LRRC4C: variants seen among roughly 807,000 people sequenced by gnomAD.
LRRC4C encodes the protein leucine-rich repeat-containing protein 4C.
In LRRC4C, 5 loss-of-function variants were observed where a neutral mutation model predicts 33.6. That is an observed-to-expected ratio of 0.15 (90% CI 0.08 to 0.31). LRRC4C has a LOEUF of 0.31. Among genes scored for constraint, LRRC4C ranks in the 10% least tolerant of loss-of-function variants. LRRC4C has a pLI of 1.00. For missense variants in LRRC4C, 560 were observed against 796.7 expected, an observed-to-expected ratio of 0.70 and a Z score of 3.58; for synonymous variants, 329 against 302.0, an observed-to-expected ratio of 1.09 and a Z score of -0.93.
At chr11:40,966,604 C>T (rs951963388) in intron 1 of LRRC4C, among the ~76,000 whole-genome samples, 6 of 151,982 alleles carry the variant, frequency 3.9e-5, no homozygotes, top group Non-Finnish European at 7.4e-5. Context: ...ATGTACACCA[C>T]CTTCATCTGT....
At chr11:40,596,793 A>T (rs137867664) in intron 3 of LRRC4C, among the ~76,000 whole-genome samples, 38 of 152,294 alleles carry the variant, frequency 2.5e-4, no homozygotes, top group Admixed American at 7.2e-4. Context: ...ACAAGATTTC[A>T]TTTTATATAT....
At chr11:40,650,293 A>G (rs1344913133) in intron 2 of LRRC4C, among the ~76,000 whole-genome samples, 1 of 152,204 alleles carries the variant, frequency 6.6e-6, no homozygotes, top group Non-Finnish European at 1.5e-5. Flanking sequence ...TACTTTAAAA[A>G]ACAGGAAAAT....
chr11:40,618,056 G>A (rs1962042023), intron 3 of LRRC4C, among the ~76,000 whole-genome samples: 1 of 151,630 alleles, frequency 6.6e-6, no homozygotes, highest in Non-Finnish European at 1.5e-5. Context: ...GCACCATCAG[G>A]AAGTTTGAAC....
intron 1 of LRRC4C, among the ~76,000 whole-genome samples, chr11:40,965,015 C>T (rs2136919668): frequency 6.6e-6 from 1 of 152,244 alleles, no homozygotes; most frequent in Admixed American, 6.5e-5. Flanking sequence ...TATTTCTCCA[C>T]ACCCTCTCCA....
intron 1 of LRRC4C, among the ~76,000 whole-genome samples, chr11:41,297,584 A>C (rs1222830571): frequency 1.3e-5 from 2 of 152,200 alleles, no homozygotes; most frequent in Admixed American, 1.3e-4. Flanking sequence ...TAACATATGA[A>C]ATGATATCCC....
At chr11:41,074,058 T>G (rs2135440155) in intron 1 of LRRC4C, among the ~76,000 whole-genome samples, 1 of 152,320 alleles carries the variant, frequency 6.6e-6, no homozygotes, top group Middle Eastern at 3.4e-3. Context: ...AAATTAATGT[T>G]TAAAATATTA....
At chr11:41,272,653 C>T (rs930662033) in intron 1 of LRRC4C, among the ~76,000 whole-genome samples, 6 of 151,954 alleles carry the variant, frequency 3.9e-5, no homozygotes, top group South Asian at 2.1e-4. Context: ...AATACCGAAG[C>T]GATGTTTTAA....
intron 3 of LRRC4C, among the ~76,000 whole-genome samples, chr11:40,621,284 T>G (rs1411402618): frequency 6.6e-6 from 1 of 151,678 alleles, no homozygotes; most frequent in African/African-American, 2.4e-5. Context: ...GGGAACATTT[T>G]TAGGACATAA....
chr11:40,319,145 C>T (rs1351999823), intron 4 of LRRC4C, among the ~76,000 whole-genome samples: 1 of 152,168 alleles, frequency 6.6e-6, no homozygotes, highest in Non-Finnish European at 1.5e-5. Context: ...ATGAAGGAAA[C>T]TCCATTATAG....
intron 1 of LRRC4C, among the ~76,000 whole-genome samples, chr11:41,009,100 T>C (rs1391477717): frequency 6.6e-6 from 1 of 152,090 alleles, no homozygotes; most frequent in Non-Finnish European, 1.5e-5. Flanking sequence ...AGAATTCTTT[T>C]TAAATTTATC....
At chr11:40,755,163 C>A (rs1475452846) in intron 2 of LRRC4C, among the ~76,000 whole-genome samples, 1 of 152,096 alleles carries the variant, frequency 6.6e-6, no homozygotes. Context: ...TTAACAGTTT[C>A]AGGATTCTAC....
chr11:40,987,675 G>GATAT lies in LRRC4C; in HGVS notation c.-495-53956_-495-53953dup, dbSNP rs200421544. Among the ~76,000 whole-genome samples, 219 of 65,940 alleles carry GATAT rather than the reference G, an allele frequency of 3.3e-3. 11 individuals are homozygous for GATAT. In the East Asian group the frequency reaches 0.042, roughly 13 times the overall value. The allele number at this position is 65,940 out of a possible 152,430, so 43.3% of individuals were successfully genotyped here. A position where few individuals can be genotyped will look rare whatever the true frequency, so the allele number is the denominator to read the frequency against. On this transcript the variant is annotated intron_variant, in intron 1 of 6. Transcript: ENST00000528697. ...TATCTCATATATATGAGATATAAAT[G>GATAT]ATATATATATATATATCTCATATAT... is the stretch of plus-strand genomic sequence containing the variant.
At chr11:40,720,538 C>T (rs79466850) in intron 2 of LRRC4C, among the ~76,000 whole-genome samples, 1 of 152,254 alleles carries the variant, frequency 6.6e-6, no homozygotes, top group African/African-American at 2.4e-5. Context: ...CCAAGTGAAA[C>T]ATAGTGATTA....
Position 41,019,345 on chromosome 11 carries a change from T to C in LRRC4C, c.-495-85622A>G, listed in dbSNP as rs576962298. On this transcript the variant is annotated intron_variant, in intron 1 of 6. Transcript: ENST00000528697. Reference sequence around the variant, plus strand: ...TTCATCCATGTACCTGCAAAGAACATGATCTCATTCCTTTTTATGGCTGCA... The same window carrying C: ...TTCATCCATGTACCTGCAAAGAACACGATCTCATTCCTTTTTATGGCTGCA... Among the ~76,000 whole-genome samples the C allele has an allele frequency of 2.0e-5, 3 of 152,318 alleles. No homozygotes were observed. The East Asian group carries it at 5.8e-4, about 29-fold the overall frequency.
chr11:41,456,730 C>T (rs1956182231), intron 1 of LRRC4C, among the ~76,000 whole-genome samples: 1 of 152,118 alleles, frequency 6.6e-6, no homozygotes, highest in Non-Finnish European at 1.5e-5. Context: ...CCCCCATTTA[C>T]CTTTCTTTTC....
At chr11:40,357,689 C>T (rs139109173) in intron 3 of LRRC4C, among the ~76,000 whole-genome samples, 214 of 152,244 alleles carry the variant, frequency 1.4e-3, no homozygotes, top group African/African-American at 4.4e-3. Context: ...CTCTCTCTCT[C>T]TCATATGCAC....
At chr11:40,253,144 C>G (rs1866918271) in intron 4 of LRRC4C, among the ~76,000 whole-genome samples, 1 of 152,152 alleles carries the variant, frequency 6.6e-6, no homozygotes, top group South Asian at 2.1e-4. Flanking sequence ...GTGCTTAATT[C>G]CAAAGTTATC....
At chr11:41,369,739 A>G (rs1244789958) in intron 1 of LRRC4C, among the ~76,000 whole-genome samples, 1 of 151,318 alleles carries the variant, frequency 6.6e-6, no homozygotes, top group Non-Finnish European at 1.5e-5. Context: ...ATGCTCATAT[A>G]AGGAACTTAG....
chr11:40,304,220 G>A (rs537038966), intron 4 of LRRC4C, among the ~76,000 whole-genome samples: 6 of 152,246 alleles, frequency 3.9e-5, no homozygotes, highest in African/African-American at 1.4e-4. Flanking sequence ...TTTTCCTTAA[G>A]GTGCTGCTGA....
Sources: gnomAD v4.1 joint callset for allele counts (sites outside exome capture counted in the v4.1 genomes callset) on GRCh38, gnomAD v4.1.1 for gene constraint, MANE v1.5 for transcripts, NCBI Gene and HGNC (gene_info 2026-07-23, HGNC 2026-07-21) for gene names.